XPNPEP3: variants seen among roughly 807,000 people sequenced by gnomAD.
XPNPEP3 encodes X-prolyl aminopeptidase 3, also known as xaa-Pro aminopeptidase 3.
In XPNPEP3, 41 loss-of-function variants were observed where a neutral mutation model predicts 60.0. That is an observed-to-expected ratio of 0.68 (90% CI 0.53 to 0.89). The LOEUF (loss-of-function observed/expected upper bound fraction) is 0.89. Among genes scored for constraint, XPNPEP3 ranks in the 40% least tolerant of loss-of-function variants. XPNPEP3 has a pLI of 0.00. For synonymous variants in XPNPEP3, 212 were observed against 223.2 expected (o/e 0.95, Z 0.45); for missense variants, 598 against 638.9 (o/e 0.94, Z 0.69).
chr22:40,857,330 C>T (rs1433449855), intron 1 of XPNPEP3, 85 bp downstream of exon 1: 4 of 1,471,472 alleles, frequency 2.7e-6, no homozygotes, highest in Non-Finnish European at 2.8e-6. Context: ...GTTCGGCTGA[C>T]CCTTCTCCTG....
At chr22:40,899,172 A>G (rs889079450) in intron 4 of XPNPEP3, among the ~76,000 whole-genome samples, 6 of 152,144 alleles carry the variant, frequency 3.9e-5, no homozygotes, top group South Asian at 2.1e-4. Context: ...ATCGCTGTCA[A>G]CTTGCCACTC....
intron 1 of XPNPEP3, among the ~76,000 whole-genome samples, chr22:40,858,561 CTCTTGTCGCCCAGGCTG>C (rs1218037332): frequency 1.1e-4 from 13 of 113,658 alleles, no homozygotes; most frequent in African/African-American, 4.1e-4. Context: ...CAGAGTCTTG[CTCTTGTCGCCCAGGCTG>C]GAGTGCAGTG....
At position 40,926,123 on chromosome 22, in the gene XPNPEP3, T is replaced by C. The variant is rs1173451054; in HGVS notation, c.1358-146T>C. ...AGCCACTTTGACATGTATTATCTCA[T>C]TTAATCCTCACAGCTTTACTAGGTA... On this transcript the variant is annotated intron_variant, in intron 9 of 9. Transcript: ENST00000357137. 4 of 827,548 alleles carry C rather than the reference T, an allele frequency of 4.8e-6. No individual in the cohort carries two copies. In the East Asian group the frequency reaches 1.0e-4, roughly 21 times the overall value. The allele number at this position is 827,548 out of a possible 1,614,324, so 51.3% of individuals were successfully genotyped here.
rs1488641674 is a variant in XPNPEP3, at chr22:40,882,022, C to G, written c.434C>G (p.Pro145Arg). Residue 145 changes from proline (P) to arginine (R), a missense_variant, in exon 3 of 10, where the codon CCA becomes CGA. By Grantham distance (103) the Pro-to-Arg change is moderately radical (BLOSUM62 -2). Transcript: ENST00000357137. ...VLQSLPGKQL[P>R]SHKAILFVPR... Reference sequence around the variant, plus strand: ...CAGAGCCTCCCTGGCAAACAATTACCATCACACAAAGCCATACTTTTTGTG... The same window carrying G: ...CAGAGCCTCCCTGGCAAACAATTACGATCACACAAAGCCATACTTTTTGTG... 6.2e-7 allele frequency: 1 copy of G among 1,613,998 alleles called. No homozygotes were observed. The highest frequency in any genetic ancestry group is 1.3e-5 in the African/African-American group (1 of 74,882).
chr22:40,881,942 C>A lies in XPNPEP3; in HGVS notation c.354C>A (p.Asp118Glu), dbSNP rs774626392. Residue 118 changes from aspartate to glutamate, a missense_variant, in exon 3 of 10, where the codon GAC (aspartate) becomes GAA (glutamate). Transcript: ENST00000357137. ...SNDIPYTFHQ[D>E]NNFLYLCGFQ... Reference sequence around the variant, plus strand: ...ATATTCCCTATACTTTCCACCAAGACAACAATTTCCTGTACCTATGTGGAT... The same window carrying A: ...ATATTCCCTATACTTTCCACCAAGAAAACAATTTCCTGTACCTATGTGGAT... 1.9e-6 allele frequency: 3 copies of A among 1,614,154 alleles called. No individual in the cohort carries two copies. The Admixed American group carries it at 5.0e-5, about 27-fold the overall frequency.
intron 2 of XPNPEP3, among the ~76,000 whole-genome samples, chr22:40,870,589 A>C (rs1355308522): frequency 6.6e-6 from 1 of 152,210 alleles, no homozygotes; most frequent in African/African-American, 2.4e-5. Flanking sequence ...AAACTATCAG[A>C]TGTACCATTA....
At chr22:40,910,713 A>G (rs2058173960) in intron 6 of XPNPEP3, among the ~76,000 whole-genome samples, 1 of 151,878 alleles carries the variant, frequency 6.6e-6, no homozygotes, top group Non-Finnish European at 1.5e-5. Context: ...CTTTAAAAAA[A>G]ATAAAATATA....
intron 1 of XPNPEP3, among the ~76,000 whole-genome samples, chr22:40,866,181 C>T (rs2057977824): frequency 6.6e-6 from 1 of 151,954 alleles, no homozygotes; most frequent in African/African-American, 2.4e-5. Context: ...AATTAGAAGC[C>T]AGACTCATTG....
intron 2 of XPNPEP3, among the ~76,000 whole-genome samples, chr22:40,872,363 C>CT (rs1313831322): frequency 2.6e-5 from 4 of 151,952 alleles, no homozygotes; most frequent in African/African-American, 9.7e-5. Flanking sequence ...TGGTCAGTCT[C>CT]TTTGATTACT....
intron 9 of XPNPEP3, among the ~76,000 whole-genome samples, 189 bp downstream of exon 9, chr22:40,924,671 G>A (rs1401472681): frequency 5.3e-5 from 8 of 152,014 alleles, no homozygotes; most frequent in Admixed American, 4.6e-4. Context: ...TACAGGTGTC[G>A]GCCACCACGC....
intron 4 of XPNPEP3, among the ~76,000 whole-genome samples, chr22:40,898,510 C>A (rs2058118869): frequency 7.5e-6 from 1 of 133,300 alleles, no homozygotes; most frequent in African/African-American, 4.1e-5. Flanking sequence ...GCCTCGGCCT[C>A]CCAAAGTGCT....
In XPNPEP3 at chr22:40,898,225, ATTTTTTTTTTTTTTTTTTTTTTTTT is replaced by A. The variant is rs71200626; in HGVS notation, c.793-9347_793-9323del. 9.0e-4 allele frequency among the ~76,000 whole-genome samples: 26 copies of A among 28,784 alleles called. 2 individuals carry two copies. Among genetic ancestry groups the A allele is most frequent in the African/African-American group, 2.9e-3 (18 of 6,278 alleles). 18.9% of individuals were successfully genotyped at this position (28,784 alleles called of 152,430 possible). On this transcript the variant is annotated intron_variant, in intron 4 of 9. Transcript: ENST00000357137. ...TGTTTTATGTTTAGGTCTTTGACCC[ATTTTTTTTTTTTTTTTTTTTTTTTT>A]TTTTTTTTTTTTTTGAGACGGAGTC...
intron 4 of XPNPEP3, among the ~76,000 whole-genome samples, chr22:40,898,608 C>A (rs1472554211): frequency 6.6e-6 from 1 of 152,128 alleles, no homozygotes; most frequent in Non-Finnish European, 1.5e-5. Context: ...TAACCTTATT[C>A]TTTTTCATGC....
rs2057951904 is a variant in XPNPEP3, at chr22:40,861,947, A to T, written c.64+4702A>T. 3 of 1,611,170 alleles carry T rather than the reference A, an allele frequency of 1.9e-6. No individual in the cohort carries two copies. The Admixed American group carries it at 5.1e-5, about 27-fold the overall frequency. On this transcript the variant is annotated intron_variant, in intron 1 of 9. Coordinates refer to ENST00000357137, the MANE Select transcript of XPNPEP3 (RefSeq NM_022098.4). ...TATGATAAGCTTTTTTAATGTCCTC[A>T]GGTGAAGCATATCTTTGCAGTCCTA...
chr22:40,922,216 C>T (rs2058219072), intron 7 of XPNPEP3, 117 bp from the exon 8 acceptor site: 5 of 1,229,716 alleles, frequency 4.1e-6, no homozygotes, highest in East Asian at 2.3e-5. Flanking sequence ...ACTTATTAAA[C>T]ATCAACAGTG....
intron 2 of XPNPEP3, chr22:40,870,130 AAGCTGTAAGGTAAGCTTAAT>A: frequency 2.1e-6 from 1 of 470,518 alleles, no homozygotes; most frequent in East Asian, 7.0e-5. Flanking sequence ...GAGTTTTTCA[AAGCTGTAAGGTAAGCTTAAT>A]AGCAACCCAG....
At chr22:40,882,976 TA>T (rs1365178039) in intron 3 of XPNPEP3, among the ~76,000 whole-genome samples, 47 of 152,224 alleles carry the variant, frequency 3.1e-4, no homozygotes, top group African/African-American at 1.1e-3. Context: ...GTAGTCCAGC[TA>T]CTGGAGAGGC....
At chr22:40,908,962 C>T (rs577513799) in intron 5 of XPNPEP3, among the ~76,000 whole-genome samples, 160 bp from the exon 6 acceptor site, 1 of 152,246 alleles carries the variant, frequency 6.6e-6, no homozygotes, top group South Asian at 2.1e-4. Flanking sequence ...AAGAAATGGA[C>T]TGAAATTACA....
chr22:40,914,182 T>A, intron 6 of XPNPEP3, 57 bp from the exon 7 acceptor site: 2 of 1,398,692 alleles, frequency 1.4e-6, no homozygotes, highest in Non-Finnish European at 2.0e-6. Flanking sequence ...TTTGGATTAC[T>A]AGAAACAACT....
Sources: gnomAD v4.1 joint callset for allele counts (sites outside exome capture counted in the v4.1 genomes callset) on GRCh38, gnomAD v4.1.1 for gene constraint, MANE v1.5 for transcripts, NCBI Gene and HGNC (gene_info 2026-07-23, HGNC 2026-07-21) for gene names.